Variants in DIAPH2 observed in about 807,000 individuals in gnomAD.
DIAPH2 encodes diaphanous related formin 2.
In DIAPH2, 35 loss-of-function variants were observed where a neutral mutation model predicts 92.7. The ratio of observed to expected loss-of-function variants is 0.38; its 90% CI spans 0.29 to 0.50. The LOEUF (loss-of-function observed/expected upper bound fraction) is 0.50. Ranked by LOEUF, DIAPH2 falls within the 20% of genes least tolerant of loss-of-function variation. The pLI is 0.94. For synonymous variants in DIAPH2, 301 were observed against 280.4 expected (o/e 1.07, Z -0.73); for missense variants, 701 against 819.5 (o/e 0.86, Z 1.77).
intron 4 of DIAPH2, among the ~76,000 whole-genome samples, chrX:96,870,739 A>C (rs1447232161): frequency 8.9e-6 from 1 of 111,892 alleles, no homozygotes; most frequent in African/African-American, 3.2e-5. Flanking sequence ...AGCACTTACT[A>C]AAATGTTTAG....
At chrX:97,294,933 C>G (rs902026610) in intron 23 of DIAPH2, among the ~76,000 whole-genome samples, 3 of 111,284 alleles carry the variant, frequency 2.7e-5, no homozygotes, top group Non-Finnish European at 5.6e-5. Flanking sequence ...GCTGTCTTCA[C>G]TAGTCCCAAA....
intron 26 of DIAPH2, among the ~76,000 whole-genome samples, chrX:97,587,538 G>A (rs1157824275): frequency 8.9e-6 from 1 of 112,106 alleles, no homozygotes; most frequent in Non-Finnish European, 1.9e-5. Context: ...ATGATGACTT[G>A]TGAAATAGAG....
intron 17 of DIAPH2, among the ~76,000 whole-genome samples, chrX:97,022,691 A>G (rs186389567): frequency 8.9e-6 from 1 of 112,321 alleles, no homozygotes; most frequent in Admixed American, 9.4e-5. Flanking sequence ...ACATCCCAAG[A>G]TAATTATTTT....
chrX:97,192,346 A>G (rs1307859949), intron 22 of DIAPH2, among the ~76,000 whole-genome samples: 1 of 110,098 alleles, frequency 9.1e-6, no homozygotes, highest in Non-Finnish European at 1.9e-5. Context: ...TTTCAAAAGT[A>G]GAAGTTCTCT....
At chrX:96,890,577 C>A (rs1465218516) in intron 5 of DIAPH2, among the ~76,000 whole-genome samples, 2 of 111,290 alleles carry the variant, frequency 1.8e-5, no homozygotes, top group Non-Finnish European at 3.8e-5. Context: ...CTCCTCCCTA[C>A]CACAGTTTTA....
intron 20 of DIAPH2, among the ~76,000 whole-genome samples, chrX:97,112,869 C>T (rs1455378027): frequency 9.9e-6 from 1 of 100,816 alleles, no homozygotes; most frequent in East Asian, 3.2e-4. Context: ...CCTCCGCCTA[C>T]CAGGCTCAAG....
chrX:96,787,505 T>G (rs1208881860), intron 4 of DIAPH2, among the ~76,000 whole-genome samples: 1 of 110,394 alleles, frequency 9.1e-6, no homozygotes, highest in Non-Finnish European at 1.9e-5. Context: ...GGAAATTGGT[T>G]AAAAAATTAG....
chrX:96,819,323 T>C (rs1437421484), intron 4 of DIAPH2, among the ~76,000 whole-genome samples: 1 of 112,873 alleles, frequency 8.9e-6, no homozygotes, highest in African/African-American at 3.2e-5. Context: ...GTTAAATCTT[T>C]GTCCTAACAT....
At chrX:97,423,809 T>TA (rs2070034395) in intron 25 of DIAPH2, among the ~76,000 whole-genome samples, 1 of 112,181 alleles carries the variant, frequency 8.9e-6, no homozygotes, top group South Asian at 3.7e-4. Context: ...TTGTATGTTG[T>TA]AAAAAACACA....
intron 1 of DIAPH2, among the ~76,000 whole-genome samples, chrX:96,728,841 T>C (rs2064037749): frequency 1.8e-5 from 2 of 112,583 alleles, no homozygotes; most frequent in African/African-American, 6.5e-5. Context: ...ACACAACTTT[T>C]TTTTCCCATT....
chrX:97,464,886 T>C (rs1325001761), intron 26 of DIAPH2, among the ~76,000 whole-genome samples: 1 of 111,920 alleles, frequency 8.9e-6, no homozygotes, highest in African/African-American at 3.3e-5. Context: ...TTTGCTGTTG[T>C]TGCCCAGGCT....
At chrX:97,132,166 G>A (rs1395565930) in intron 21 of DIAPH2, among the ~76,000 whole-genome samples, 1 of 111,761 alleles carries the variant, frequency 8.9e-6, no homozygotes, top group Non-Finnish European at 1.9e-5. Context: ...TAACAAGTGT[G>A]AAACTTTTAA....
chrX:96,715,182 T>C lies in DIAPH2; in HGVS notation c.133-20576T>C, dbSNP rs752081590. Among the ~76,000 whole-genome samples the C allele has an allele frequency of 1.6e-3, 178 of 111,998 alleles. 1 individual carries two copies. Among genetic ancestry groups the C allele is most frequent in the Non-Finnish European group, 2.4e-3 (128 of 53,202 alleles). ...TTTGCTTGCATTCTTATAGGATAAA[T>C]GTATATTGCACACAAAATCACATGT... On this transcript the variant is annotated intron_variant, in intron 1 of 26. Coordinates refer to ENST00000324765, the MANE Select transcript of DIAPH2 (RefSeq NM_006729.5).
At chrX:96,802,330 A>C (rs777059297) in intron 4 of DIAPH2, among the ~76,000 whole-genome samples, 32 of 112,338 alleles carry the variant, frequency 2.8e-4, no homozygotes, top group Non-Finnish European at 5.1e-4. Context: ...TCAATAGATG[A>C]TATGCAAATG....
Position 97,297,075 on chromosome X carries a change from CCTTTT to C in DIAPH2, c.2844+49237_2844+49241del, listed in dbSNP as rs1474855077. Among the ~76,000 whole-genome samples, 322 of 75,059 alleles carry C rather than the reference CCTTTT, an allele frequency of 4.3e-3. 2 individuals carry two copies. Among genetic ancestry groups the C allele is most frequent in the Non-Finnish European group, 6.0e-3 (253 of 42,138 alleles). 65.2% of individuals were successfully genotyped at this position (75,059 alleles called of 115,157 possible). A position where few individuals can be genotyped will look rare whatever the true frequency, so the allele number is the denominator to read the frequency against. On this transcript the variant is annotated intron_variant, in intron 23 of 26. Transcript: ENST00000324765. Reference sequence around the variant, plus strand: ...TACAGGTGTGAGCCACCAGGCCTGGCCTTTTTTTTTTTTTTTTTTTTTTTTTTTTT... The same window carrying C: ...TACAGGTGTGAGCCACCAGGCCTGGCTTTTTTTTTTTTTTTTTTTTTTTTT...
At chrX:96,785,748 A>G (rs1244504757) in intron 4 of DIAPH2, among the ~76,000 whole-genome samples, 3 of 109,771 alleles carry the variant, frequency 2.7e-5, no homozygotes, top group African/African-American at 1.0e-4. Flanking sequence ...AAGTGCTGGG[A>G]TTACAGGCAT....
intron 17 of DIAPH2, among the ~76,000 whole-genome samples, chrX:97,013,054 C>T (rs962739505): frequency 8.9e-6 from 1 of 112,051 alleles, no homozygotes; most frequent in Non-Finnish European, 1.9e-5. Flanking sequence ...CTTGCTGTTG[C>T]TCTTGTTTGC....
At chrX:97,114,246 TCA>T (rs772451250) in intron 20 of DIAPH2, among the ~76,000 whole-genome samples, 4,801 of 112,046 alleles carry the variant, frequency 0.043, 95 homozygotes, top group Middle Eastern at 0.065. Flanking sequence ...TATTAAATGC[TCA>T]ATCAGAGCTA....
At chrX:97,342,310 A>G (rs909168099) in intron 23 of DIAPH2, among the ~76,000 whole-genome samples, 9 of 112,106 alleles carry the variant, frequency 8.0e-5, no homozygotes, top group African/African-American at 1.6e-4. Flanking sequence ...GTGTCATCCT[A>G]TGCAGTGTTA....
Sources: gnomAD v4.1 joint callset for allele counts (sites outside exome capture counted in the v4.1 genomes callset) on GRCh38, gnomAD v4.1.1 for gene constraint, MANE v1.5 for transcripts, NCBI Gene and HGNC (gene_info 2026-07-23, HGNC 2026-07-21) for gene names.